SGCD: variants seen among roughly 807,000 people sequenced by gnomAD.
SGCD encodes delta-sarcoglycan.
SGCD carries 18 observed loss-of-function variants against 36.6 expected under a neutral mutation model. That is an observed-to-expected ratio of 0.49 (90% CI 0.34 to 0.73). The LOEUF is 0.73. Among genes scored for constraint, SGCD ranks in the 30% least tolerant of loss-of-function variants. The probability of loss-of-function intolerance (pLI) is 0.01; values close to 1 mark genes in which losing one functional copy is unlikely to be tolerated. For missense variants in SGCD, 387 were observed against 346.7 expected (o/e 1.12, Z -0.92); for synonymous variants, 133 against 130.6 (o/e 1.02, Z -0.12).
At chr5:156,283,734 T>C (rs1217373985) in intron 3 of SGCD, among the ~76,000 whole-genome samples, 1 of 152,214 alleles carries the variant, frequency 6.6e-6, no homozygotes, top group East Asian at 1.9e-4. Context: ...CCTAGAGTTC[T>C]GACTCAGTAG....
At chr5:156,693,322 T>A (rs568670581) in intron 7 of SGCD, among the ~76,000 whole-genome samples, 75 of 152,276 alleles carry the variant, frequency 4.9e-4, no homozygotes, top group Non-Finnish European at 8.4e-4. Flanking sequence ...TTTTCATTAA[T>A]CATTTGCTTT....
chr5:156,651,547 T>C (rs1408687107), intron 7 of SGCD, among the ~76,000 whole-genome samples: 1 of 152,126 alleles, frequency 6.6e-6, no homozygotes, highest in Non-Finnish European at 1.5e-5. Flanking sequence ...CACCATTTAT[T>C]GAATAGGGAA....
At chr5:156,579,437 G>A (rs1207563326) in intron 4 of SGCD, among the ~76,000 whole-genome samples, 1 of 152,138 alleles carries the variant, frequency 6.6e-6, no homozygotes, top group Admixed American at 6.5e-5. Flanking sequence ...TCCACTTGGT[G>A]CAGAGCTGAG....
At chr5:156,538,519 T>C (rs1009743793) in intron 4 of SGCD, among the ~76,000 whole-genome samples, 14 of 152,152 alleles carry the variant, frequency 9.2e-5, no homozygotes, top group Admixed American at 7.9e-4. Flanking sequence ...GCTCTCAGTG[T>C]CTTATACAGA....
chr5:155,759,657 G>C, the SGCD span, among the ~76,000 whole-genome samples: 3 of 152,192 alleles, frequency 2.0e-5, no homozygotes, highest in African/African-American at 7.2e-5. Context: ...TCACTGTAAA[G>C]AGTAATCATG....
chr5:156,272,500 T>C (rs1766207828), intron 3 of SGCD, among the ~76,000 whole-genome samples: 1 of 152,198 alleles, frequency 6.6e-6, no homozygotes, highest in African/African-American at 2.4e-5. Flanking sequence ...CATATGTCTT[T>C]TTCATATAAT....
chr5:155,915,682 A>T (rs1330372998), intron 1 of SGCD, among the ~76,000 whole-genome samples: 1 of 152,208 alleles, frequency 6.6e-6, no homozygotes, highest in African/African-American at 2.4e-5. Flanking sequence ...CAAGACTCAC[A>T]TTCTCAAGCA....
chr5:156,241,424 T>G (rs1401112203), intron 3 of SGCD, among the ~76,000 whole-genome samples: 2 of 152,172 alleles, frequency 1.3e-5, no homozygotes, highest in Non-Finnish European at 2.9e-5. Flanking sequence ...AGATCACAAA[T>G]TTCTCTCCTG....
chr5:155,829,584 C>T, the SGCD span, among the ~76,000 whole-genome samples: 11 of 152,250 alleles, frequency 7.2e-5, no homozygotes, highest in African/African-American at 9.6e-5. Context: ...CTTCAGGCCT[C>T]GAAGGAGGCT....
At position 156,016,242 on chromosome 5, in the gene SGCD, A is replaced by G. The variant is rs753635759; in HGVS notation, c.-281-101636A>G. Among the ~76,000 whole-genome samples, 3 of 151,840 alleles carry G rather than the reference A, an allele frequency of 2.0e-5. No individual in the cohort carries two copies. The South Asian group carries it at 6.2e-4, about 32-fold the overall frequency. Reference sequence around the variant, plus strand: ...TTAAAAAGTTCAAGATTTCATTTCAATTTTTTTTCCACTAGACTGAAGATA... The same window carrying G: ...TTAAAAAGTTCAAGATTTCATTTCAGTTTTTTTTCCACTAGACTGAAGATA... On this transcript the variant is annotated intron_variant, in intron 1 of 9. Coordinates refer to the SGCD transcript ENST00000517913.
intron 1 of SGCD, among the ~76,000 whole-genome samples, chr5:155,911,678 C>G (rs1357937821): frequency 6.6e-6 from 1 of 152,046 alleles, no homozygotes; most frequent in Non-Finnish European, 1.5e-5. Context: ...CCTGTCTCCT[C>G]CACTGCTGCC....
the SGCD span, among the ~76,000 whole-genome samples, chr5:155,746,589 TC>T: frequency 6.6e-6 from 1 of 152,132 alleles, no homozygotes; most frequent in Non-Finnish European, 1.5e-5. Context: ...CAAGTTCCTG[TC>T]TCTTGTCTTA....
chr5:156,517,230 G>A (rs952134035), intron 4 of SGCD, among the ~76,000 whole-genome samples: 2 of 152,134 alleles, frequency 1.3e-5, no homozygotes, highest in Admixed American at 6.5e-5. Flanking sequence ...CTAAGTGGAG[G>A]AAAGAATCTC....
intron 6 of SGCD, among the ~76,000 whole-genome samples, chr5:156,603,869 C>A (rs1402571094): frequency 6.6e-6 from 1 of 151,984 alleles, no homozygotes; most frequent in African/African-American, 2.4e-5. Context: ...ATATATTCTA[C>A]AGCTCTTAAA....
intron 6 of SGCD, among the ~76,000 whole-genome samples, chr5:156,647,147 A>G (rs1157469323): frequency 6.6e-6 from 1 of 152,152 alleles, no homozygotes; most frequent in Non-Finnish European, 1.5e-5. Context: ...GACTATTAAT[A>G]GTTTCTGAGA....
At chr5:156,579,700 T>G (rs1324661826) in intron 4 of SGCD, among the ~76,000 whole-genome samples, 1 of 152,202 alleles carries the variant, frequency 6.6e-6, no homozygotes, top group Non-Finnish European at 1.5e-5. Flanking sequence ...CTTTGTTGGT[T>G]TAAAGTCTGT....
intron 3 of SGCD, among the ~76,000 whole-genome samples, chr5:156,429,265 C>CTTTTTTTTT (rs3074973): frequency 8.1e-6 from 1 of 123,790 alleles, no homozygotes; most frequent in Admixed American, 8.2e-5. Flanking sequence ...CCCTCATTGT[C>CTTTTTTTTT]TTTTTTTTTT....
the SGCD span, among the ~76,000 whole-genome samples, chr5:155,781,419 A>G: frequency 6.6e-6 from 1 of 152,128 alleles, no homozygotes. Flanking sequence ...TTCTTAGTCT[A>G]TGTCTTGATA....
At chr5:156,256,384 G>C (rs1765717640) in intron 3 of SGCD, among the ~76,000 whole-genome samples, 1 of 152,154 alleles carries the variant, frequency 6.6e-6, no homozygotes, top group South Asian at 2.1e-4. Flanking sequence ...TCACAGATCA[G>C]TTTTGCTGGT....
Sources: gnomAD v4.1 joint callset for allele counts (sites outside exome capture counted in the v4.1 genomes callset) on GRCh38, gnomAD v4.1.1 for gene constraint, MANE v1.5 for transcripts, NCBI Gene and HGNC (gene_info 2026-07-23, HGNC 2026-07-21) for gene names.